Variants in VPS13C observed in about 807,000 individuals in gnomAD.
The protein encoded by VPS13C is vacuolar protein sorting 13 homolog C, also known as intermembrane lipid transfer protein VPS13C.
In VPS13C, 358 loss-of-function variants were observed where a neutral mutation model predicts 456.8. The ratio of observed to expected loss-of-function variants is 0.78; its 90% confidence interval spans 0.72 to 0.86. The LOEUF (loss-of-function observed/expected upper bound fraction) is 0.86, where lower values mean the gene tolerates loss of function less well. Among genes scored for constraint, VPS13C ranks in the 40% least tolerant of loss-of-function variants. The pLI is 0.00. For synonymous variants in VPS13C, 1,578 were observed against 1,486.7 expected, an observed-to-expected ratio of 1.06 and a Z score of -1.41; for missense variants, 4,818 against 4,385.4, an observed-to-expected ratio of 1.10 and a Z score of -2.79.
At position 61,854,572 on chromosome 15, in the gene VPS13C, T is replaced by C; in HGVS notation, c.11161-14A>G. Reference sequence around the variant, plus strand: ...ATTACATGCTCTCTGTAAAGTAAAATACTTATTATGAATTTTAAAGACAAG... The same window carrying C: ...ATTACATGCTCTCTGTAAAGTAAAACACTTATTATGAATTTTAAAGACAAG... On this transcript the variant is annotated splice_polypyrimidine_tract_variant and intron_variant, in intron 84 of 84. Coordinates refer to ENST00000644861, the MANE Select transcript of VPS13C (RefSeq NM_020821.3). 3 of 1,612,572 alleles carry C rather than the reference T, an allele frequency of 1.9e-6. No homozygotes were observed. Among genetic ancestry groups the C allele is most frequent in the Non-Finnish European group, 2.5e-6 (3 of 1,178,710 alleles).
At chr15:61,915,508 G>A (rs938307311) in intron 61 of VPS13C, 125 bp downstream of exon 61, 1 of 1,043,588 alleles carries the variant, frequency 9.6e-7, no homozygotes, top group African/African-American at 1.6e-5. Context: ...AAGTCTCCTT[G>A]AACCTAATTC....
intron 81 of VPS13C, chr15:61,864,717 G>C: frequency 1.0e-6 from 1 of 985,450 alleles, no homozygotes; most frequent in Non-Finnish European, 1.2e-6. Context: ...CTCATCTTCA[G>C]AATGAGTCTC....
At chr15:61,964,329 C>G (rs1168149534) in intron 31 of VPS13C, among the ~76,000 whole-genome samples, 1 of 151,932 alleles carries the variant, frequency 6.6e-6, no homozygotes, top group African/African-American at 2.4e-5. Context: ...GAACCCTTCC[C>G]TACCTTTGTG....
chr15:62,021,441 A>G (rs180712543), intron 8 of VPS13C, among the ~76,000 whole-genome samples: 1 of 151,920 alleles, frequency 6.6e-6, no homozygotes, highest in African/African-American at 2.4e-5. Context: ...TGTCAACATT[A>G]AGTTTTTGTT....
intron 3 of VPS13C, among the ~76,000 whole-genome samples, chr15:62,039,635 T>C (rs1313908877): frequency 6.6e-6 from 1 of 152,156 alleles, no homozygotes; most frequent in African/African-American, 2.4e-5. Context: ...ATCACAGAAA[T>C]GCAAATCAAA....
intron 43 of VPS13C, 66 bp from the exon 44 acceptor site, chr15:61,946,476 G>T (rs2044608337): frequency 1.7e-6 from 2 of 1,145,206 alleles, no homozygotes; most frequent in South Asian, 1.5e-5. Context: ...TGGTATTTAA[G>T]TTCAATAATA....
At chr15:61,907,540 A>G in intron 65 of VPS13C, 150 bp from the exon 66 acceptor site, 1 of 1,040,214 alleles carries the variant, frequency 9.6e-7, no homozygotes, top group Non-Finnish European at 1.4e-6. Context: ...AGTACCCTAA[A>G]ATATCTAATA....
intron 60 of VPS13C, among the ~76,000 whole-genome samples, chr15:61,916,890 CCTAT>C (rs1270442614): frequency 1.3e-5 from 2 of 151,660 alleles, no homozygotes; most frequent in African/African-American, 4.8e-5. Context: ...CTCATTTTTT[CCTAT>C]CTTTTAGTTA....
rs749729823 is a variant in VPS13C at position 61,920,220 on chromosome 15, G to T, written c.7324C>A (p.Leu2442Ile). The change falls in exon 57 of 85, where the codon CTC (leucine) becomes ATC (isoleucine). Residue 2442 changes from leucine (L) to isoleucine (I), a missense_variant. Around this residue, in one of 3 missense-constraint regions of VPS13C, gnomAD observed 4,552 missense variants for 4,130.6 expected, o/e 1.10. Transcript: ENST00000644861. ...VPIKVKPNCN[L>I]RVMGFPEKSD... ...TTCTCAGGGAAGCCCATTACTCTGA[G>T]ATTACAATTGGGCTTCACCTTAATG... is the stretch of plus-strand genomic sequence containing the variant. 9.9e-6 allele frequency: 16 copies of T among 1,613,510 alleles called. No individual in the cohort carries two copies. In the Admixed American group the frequency reaches 1.2e-4, roughly 12 times the overall value.
Position 61,929,531 on chromosome 15 carries a change from T to C in VPS13C, c.6256A>G (p.Thr2086Ala). The C allele has an allele frequency of 6.2e-7, 1 of 1,614,134 alleles. No individual in the cohort carries two copies. Among genetic ancestry groups the C allele is most frequent in the Non-Finnish European group, 8.5e-7 (1 of 1,179,994 alleles). ...AKETQILPRQ[T>A]ATGKVKIEKD... ...TCTATCTTGACCTTCCCTGTGGCAGTCTGTCTTGGTAAAATCTGTGTTTCT... is the reference window on the plus strand; with the variant it reads ...TCTATCTTGACCTTCCCTGTGGCAGCCTGTCTTGGTAAAATCTGTGTTTCT... The change falls in exon 51 of 85, where the codon ACT (threonine) becomes GCT (alanine). Residue 2086 changes from threonine to alanine, a missense_variant. By Grantham distance (58) the Thr-to-Ala change is moderately conservative. Transcript: ENST00000644861.
At chr15:61,895,814 G>T (rs2042791640) in intron 66 of VPS13C, among the ~76,000 whole-genome samples, 1 of 152,172 alleles carries the variant, frequency 6.6e-6, no homozygotes, top group African/African-American at 2.4e-5. Flanking sequence ...AGGATAGGAA[G>T]AAGGGCGGAT....
At chr15:61,862,491 C>T (rs1314103523) in intron 82 of VPS13C, among the ~76,000 whole-genome samples, 3 of 152,064 alleles carry the variant, frequency 2.0e-5, no homozygotes, top group African/African-American at 4.8e-5. Flanking sequence ...AAAAGTGATA[C>T]AATTTTAAAA....
intron 2 of VPS13C, among the ~76,000 whole-genome samples, chr15:62,042,303 C>A (rs1003055656): frequency 6.6e-6 from 1 of 152,012 alleles, no homozygotes. Flanking sequence ...TAATGATAAC[C>A]TGAGTTTTAG....
At chr15:61,963,088 C>T (rs1376851189) in intron 32 of VPS13C, among the ~76,000 whole-genome samples, 1 of 151,972 alleles carries the variant, frequency 6.6e-6, no homozygotes, top group African/African-American at 2.4e-5. Context: ...ACATCTAGTA[C>T]AAATAGATTA....
At chr15:61,897,370 T>C (rs1246861998) in intron 66 of VPS13C, among the ~76,000 whole-genome samples, 2 of 152,090 alleles carry the variant, frequency 1.3e-5, no homozygotes, top group African/African-American at 4.8e-5. Context: ...TTTAGAAGAA[T>C]GTATAACTAG....
In VPS13C at chr15:61,880,941, G is replaced by A. The variant is rs1457279496; in HGVS notation, c.9790C>T (p.Leu3264Phe). 5 of 1,597,442 alleles carry A rather than the reference G, an allele frequency of 3.1e-6. No individual in the cohort carries two copies. The highest frequency in any genetic ancestry group is 1.8e-5 in the Admixed American group (1 of 56,354). The change falls in exon 72 of 85, where the codon CTC becomes TTC. Residue 3264 changes from leucine to phenylalanine, a missense_variant. Physicochemically the swap from Leu to Phe is conservative, Grantham distance 22 (BLOSUM62 0). Coordinates refer to ENST00000644861, the MANE Select transcript of VPS13C (RefSeq NM_020821.3). Reference sequence around the variant, plus strand: ...ATTTTTAAGGCCATTTCCTGAATGAGGACCATAAAATACCTAAGAAAAAAA... The same window carrying A: ...ATTTTTAAGGCCATTTCCTGAATGAAGACCATAAAATACCTAAGAAAAAAA... The part of the protein sequence containing the change: ...KVLQFKYFMV[L>F]IQEMALKIDQ...
At chr15:62,038,358 G>A (rs548115124) in intron 3 of VPS13C, among the ~76,000 whole-genome samples, 5 of 152,172 alleles carry the variant, frequency 3.3e-5, no homozygotes, top group Non-Finnish European at 5.9e-5. Flanking sequence ...GGAGGCCGAG[G>A]CGGATAGATC....
chr15:61,958,467 A>C (rs1055258049), intron 37 of VPS13C, 141 bp downstream of exon 37: 3 of 541,200 alleles, frequency 5.5e-6, no homozygotes, highest in Admixed American at 7.6e-5. Flanking sequence ...GATTTCATTC[A>C]ATAGCATCTT....
intron 36 of VPS13C, among the ~76,000 whole-genome samples, chr15:61,959,112 A>G (rs183202216): frequency 3.9e-5 from 6 of 152,192 alleles, no homozygotes; most frequent in Admixed American, 3.3e-4. Context: ...AAAAAAGTAA[A>G]TATTTCCCTC....
Sources: gnomAD v4.1 joint callset for allele counts (sites outside exome capture counted in the v4.1 genomes callset) on GRCh38, gnomAD v4.1.1 for gene constraint, gnomAD v4.1.1 regional missense constraint, MANE v1.5 for transcripts, NCBI Gene and HGNC (gene_info 2026-07-23, HGNC 2026-07-21) for gene names.